LRRC56: variants seen among roughly 807,000 people sequenced by gnomAD.
The protein encoded by LRRC56 is leucine-rich repeat-containing protein 56.
LRRC56 carries 41 observed loss-of-function variants against 47.8 expected under a neutral mutation model. The observed-to-expected ratio is 0.86, with a 90% confidence interval of 0.67 to 1.11. The LOEUF is 1.11. Among genes scored for constraint, LRRC56 ranks in the 50% most tolerant of loss-of-function variants. The pLI is 0.00. For missense variants in LRRC56, 759 were observed against 704.2 expected, an observed-to-expected ratio of 1.08 and a Z score of -0.88; for synonymous variants, 387 against 311.2, an observed-to-expected ratio of 1.24 and a Z score of -2.56.
intron 6 of LRRC56, among the ~76,000 whole-genome samples, chr11:545,685 G>A (rs759640741): frequency 1.3e-5 from 2 of 152,224 alleles, no homozygotes; most frequent in East Asian, 1.9e-4. Context: ...AGACGTTGGC[G>A]GCTCTCACGT....
the LRRC56 span, among the ~76,000 whole-genome samples, chr11:507,898 C>T: frequency 6.6e-5 from 10 of 152,232 alleles, no homozygotes; most frequent in Non-Finnish European, 1.2e-4. Flanking sequence ...GTTCTGAGCG[C>T]GGTCCGAGCT....
the LRRC56 span, among the ~76,000 whole-genome samples, chr11:512,077 G>A: frequency 4.0e-5 from 6 of 151,670 alleles, no homozygotes; most frequent in African/African-American, 1.5e-4. Flanking sequence ...CCGAGTAGCT[G>A]GGACTACAGG....
chr11:508,169 T>C, the LRRC56 span, among the ~76,000 whole-genome samples: 1 of 152,210 alleles, frequency 6.6e-6, no homozygotes, highest in Non-Finnish European at 1.5e-5. Context: ...CTGCCTTTAT[T>C]AGGTATTTGT....
the LRRC56 span, among the ~76,000 whole-genome samples, chr11:531,903 C>A: frequency 5.3e-5 from 8 of 152,220 alleles, no homozygotes; most frequent in Middle Eastern, 3.2e-3. Flanking sequence ...CTCTCACCGC[C>A]AAGAAGGCTC....
At chr11:545,522 G>A (rs1006673786) in intron 6 of LRRC56, among the ~76,000 whole-genome samples, 2 of 150,452 alleles carry the variant, frequency 1.3e-5, no homozygotes, top group African/African-American at 5.0e-5. Context: ...GCAGCCCCCG[G>A]GAGAGGCACA....
the LRRC56 span, among the ~76,000 whole-genome samples, chr11:511,430 G>A: frequency 6.6e-6 from 1 of 152,184 alleles, no homozygotes; most frequent in African/African-American, 2.4e-5. Context: ...TGGTTACGTA[G>A]TGGGTAGTTA....
the LRRC56 span, among the ~76,000 whole-genome samples, chr11:518,899 G>GGGC: frequency 1.5e-5 from 2 of 130,418 alleles, no homozygotes; most frequent in African/African-American, 6.2e-5. Context: ...TGAGGGACCG[G>GGGC]GGCGGGGGGG....
At chr11:525,310 C>T in the LRRC56 span, among the ~76,000 whole-genome samples, 58 of 151,822 alleles carry the variant, frequency 3.8e-4, no homozygotes, top group East Asian at 5.7e-3. Context: ...GAGGCCAAGG[C>T]GGGCGGATCA....
the LRRC56 span, among the ~76,000 whole-genome samples, chr11:511,432 G>A: frequency 3.3e-5 from 5 of 152,166 alleles, no homozygotes; most frequent in African/African-American, 1.2e-4. Flanking sequence ...GTTACGTAGT[G>A]GGTAGTTAAA....
intron 6 of LRRC56, among the ~76,000 whole-genome samples, chr11:548,443 G>C (rs1852199014): frequency 7.2e-6 from 1 of 138,408 alleles, no homozygotes; most frequent in Admixed American, 7.3e-5. Context: ...ACTGTGCTCA[G>C]CCTCAAGTTT....
Position 551,938 on chromosome 11 carries a change from G to C in LRRC56, c.1009G>C (p.Gly337Arg). Residue 337 changes from glycine (G) to arginine (R), a missense_variant, in exon 11 of 14, where the codon GGC becomes CGC. Coordinates refer to ENST00000270115, the MANE Select transcript of LRRC56 (RefSeq NM_198075.4). ...GQVLCGNPTK[G>R]LRERRHQCQA... ...AGTCCTCTGTGGGAACCCCACCAAGGGCCTGCGGGAGCGTAGGCACCAGTG... is the reference window on the plus strand; with the variant it reads ...AGTCCTCTGTGGGAACCCCACCAAGCGCCTGCGGGAGCGTAGGCACCAGTG... 2 of 1,612,690 alleles carry C rather than the reference G, an allele frequency of 1.2e-6. No homozygotes were observed. The highest frequency in any genetic ancestry group is 2.2e-5 in the South Asian group (2 of 91,080).
At chr11:543,969 C>T (rs181010395) in intron 5 of LRRC56, among the ~76,000 whole-genome samples, 32 of 152,180 alleles carry the variant, frequency 2.1e-4, no homozygotes, top group Non-Finnish European at 3.7e-4. Context: ...AGGATGGTCT[C>T]GATCTACTGA....
chr11:530,097 C>T, the LRRC56 span, among the ~76,000 whole-genome samples: 1 of 152,170 alleles, frequency 6.6e-6, no homozygotes. Context: ...CTGGATGCTT[C>T]CCACAGTTCA....
Position 551,854 on chromosome 11 carries a change from C to T in LRRC56, c.973+27C>T, listed in dbSNP as rs549408811. Reference sequence around the variant, plus strand: ...TAACTGACTTGCCTCAAAGCTGACCCTGCAGCCCCTCGGCCCCGAACCAGG... The same window carrying T: ...TAACTGACTTGCCTCAAAGCTGACCTTGCAGCCCCTCGGCCCCGAACCAGG... On this transcript the variant is annotated intron_variant, in intron 10 of 13. Transcript: ENST00000270115. The T allele has an allele frequency of 2.5e-6, 4 of 1,609,480 alleles. No individual in the cohort carries two copies. In the South Asian group the frequency reaches 4.4e-5, roughly 18 times the overall value.
At chr11:507,460 C>A in the LRRC56 span, among the ~76,000 whole-genome samples, 1 of 148,326 alleles carries the variant, frequency 6.7e-6, no homozygotes, top group Non-Finnish European at 1.5e-5. Context: ...GTAGGCGGGG[C>A]TTGGTGCCGG....
the LRRC56 span, among the ~76,000 whole-genome samples, chr11:511,231 G>C: frequency 6.6e-6 from 1 of 150,910 alleles, no homozygotes; most frequent in Non-Finnish European, 1.5e-5. Context: ...TGAGGCAGGA[G>C]AATGGCGTGA....
At chr11:536,397 C>T (rs1851496027), upstream of LRRC56, among the ~76,000 whole-genome samples, 1 of 152,232 alleles carries the variant, frequency 6.6e-6, no homozygotes, top group African/African-American at 2.4e-5. Flanking sequence ...AGACGCACAT[C>T]CTAGCTCTTT....
chr11:527,030 G>A, the LRRC56 span, among the ~76,000 whole-genome samples: 3 of 152,186 alleles, frequency 2.0e-5, no homozygotes, highest in East Asian at 1.9e-4. Context: ...GGCCAGGTGC[G>A]GTGGCTCACG....
chr11:541,671 C>T lies in LRRC56; in HGVS notation c.265+47C>T. 6.7e-6 allele frequency: 8 copies of T among 1,197,302 alleles called. No individual in the cohort carries two copies. The highest frequency in any genetic ancestry group is 9.5e-6 in the Non-Finnish European group (8 of 844,862). The allele number at this position is 1,197,302 out of a possible 1,614,324, so 74.2% of individuals were successfully genotyped here. A position where few individuals can be genotyped will look rare whatever the true frequency, so the allele number is the denominator to read the frequency against. On this transcript the variant is annotated intron_variant, in intron 5 of 13. Transcript: ENST00000270115. The surrounding 1 kb of genome is among the most constrained non-coding windows in gnomAD (Gnocchi z 4.1). ...CATGGCCACGGCCACGGCCACGCCT[C>T]CCTGTAAACAACACACGTTTCCTGG...
Sources: allele counts gnomAD v4.1 joint callset (sites outside exome capture counted in the v4.1 genomes callset), GRCh38; gene constraint gnomAD v4.1.1; non-coding constraint Gnocchi (gnomAD v3.1); transcripts MANE v1.5; gene names NCBI Gene and HGNC (gene_info 2026-07-23, HGNC 2026-07-21).